The following MGMT variants were observed in gnomAD, a reference collection of about 807,000 sequenced individuals.
MGMT encodes methylated-DNA--protein-cysteine methyltransferase.
A neutral mutation model predicts 15.9 loss-of-function variants in MGMT; 14 were observed. That is an observed-to-expected ratio of 0.88 (90% CI 0.58 to 1.37). The LOEUF is 1.37. Ranked by LOEUF, MGMT falls within the 40% of genes most tolerant of loss-of-function variation. The probability of loss-of-function intolerance (pLI) is 0.00; values close to 1 mark genes in which losing one functional copy is unlikely to be tolerated. For missense variants in MGMT, 282 were observed against 268.1 expected, an observed-to-expected ratio of 1.05 and a Z score of -0.36; for synonymous variants, 130 against 118.2, an observed-to-expected ratio of 1.10 and a Z score of -0.65.
chr10:129,766,289 G>C (rs1227478107), intron 4 of MGMT, among the ~76,000 whole-genome samples: 1 of 152,224 alleles, frequency 6.6e-6, no homozygotes, highest in Non-Finnish European at 1.5e-5. Flanking sequence ...GCAAAAGCAG[G>C]TGGTGGGCTG....
rs564155734 is a variant in MGMT at position 129,692,902 on chromosome 10, C to T, written c.126-14993C>T. Among the ~76,000 whole-genome samples, 9 of 152,354 alleles carry T rather than the reference C, an allele frequency of 5.9e-5. No individual in the cohort carries two copies. The East Asian group carries it at 9.6e-4, about 16-fold the overall frequency. ...CCCAGACCTCGCGGTTGCTCTCATCCGTCGTTCCCAGTGTGGGCAGTGACG... is the reference window on the plus strand; with the variant it reads ...CCCAGACCTCGCGGTTGCTCTCATCTGTCGTTCCCAGTGTGGGCAGTGACG... On this transcript the variant is annotated intron_variant, in intron 2 of 4. Transcript: ENST00000651593.
intron 2 of MGMT, among the ~76,000 whole-genome samples, chr10:129,593,702 C>T (rs543976024): frequency 3.9e-5 from 6 of 152,260 alleles, no homozygotes; most frequent in Admixed American, 2.6e-4. Flanking sequence ...AAGCAGCTTT[C>T]GGGCATGTGT....
At chr10:129,629,477 T>A (rs1045663695) in intron 2 of MGMT, among the ~76,000 whole-genome samples, 3 of 152,202 alleles carry the variant, frequency 2.0e-5, no homozygotes, top group Admixed American at 1.3e-4. Flanking sequence ...ATTTGAATTT[T>A]CCCTCAAGCT....
chr10:129,508,789 C>T lies in MGMT; in HGVS notation c.-12-27452C>T, dbSNP rs549849646. On this transcript the variant is annotated intron_variant, in intron 1 of 4. Coordinates refer to ENST00000651593, the MANE Select transcript of MGMT (RefSeq NM_002412.5). ...CTTGAGCTCCTGATCGCAGGTGATC[C>T]ACCCGTCTCGGCCTCCCAAAGTGCT... is the stretch of plus-strand genomic sequence containing the variant. 1.1e-3 allele frequency among the ~76,000 whole-genome samples: 162 copies of T among 152,104 alleles called. 1 individual carries two copies. Among genetic ancestry groups the T allele is most frequent in the African/African-American group, 3.8e-3 (157 of 41,496 alleles).
intron 1 of MGMT, among the ~76,000 whole-genome samples, chr10:129,522,536 A>G (rs781357045): frequency 6.6e-5 from 10 of 152,236 alleles, no homozygotes; most frequent in Admixed American, 2.6e-4. Flanking sequence ...GGAGACACAC[A>G]TTATGGTGAA....
In MGMT at chr10:129,587,782, G is replaced by A. The variant is rs867595622; in HGVS notation, c.125+51405G>A. ...TTGACATGTGAAATACAGTTATAAC[G>A]ACTATGTTAATATCCTTGTCTGTTA... is the stretch of plus-strand genomic sequence containing the variant. On this transcript the variant is annotated intron_variant, in intron 2 of 4. Coordinates refer to ENST00000651593, the MANE Select transcript of MGMT (RefSeq NM_002412.5). Among the ~76,000 whole-genome samples the A allele has an allele frequency of 8.5e-5, 13 of 152,048 alleles. 1 individual carries two copies. The highest frequency in any genetic ancestry group is 3.9e-4 in the East Asian group (2 of 5,162).
chr10:129,762,188 G>C (rs3829194), intron 4 of MGMT, among the ~76,000 whole-genome samples: 1 of 152,100 alleles, frequency 6.6e-6, no homozygotes, highest in African/African-American at 2.4e-5. Context: ...ACGGTGCGTC[G>C]CTGAGACTCG....
chr10:129,613,506 C>G (rs368252866), intron 2 of MGMT, among the ~76,000 whole-genome samples: 2 of 152,150 alleles, frequency 1.3e-5, no homozygotes, highest in Admixed American at 6.5e-5. Context: ...CCTAGTCTGT[C>G]GGGAGGTCTC....
intron 1 of MGMT, among the ~76,000 whole-genome samples, chr10:129,514,692 C>T (rs1845719253): frequency 6.6e-6 from 1 of 152,102 alleles, no homozygotes; most frequent in Non-Finnish European, 1.5e-5. Context: ...AAAGAGACTC[C>T]AAAGAGGTAG....
intron 2 of MGMT, among the ~76,000 whole-genome samples, chr10:129,641,068 T>G (rs7909391): frequency 0.048 from 7,317 of 152,270 alleles, 216 homozygotes; most frequent in Middle Eastern, 0.088. Flanking sequence ...TTTGGAAAAG[T>G]AAGAAATAAA....
intron 2 of MGMT, among the ~76,000 whole-genome samples, chr10:129,601,293 C>T (rs1846818647): frequency 6.6e-6 from 1 of 152,196 alleles, no homozygotes; most frequent in African/African-American, 2.4e-5. Context: ...TACTGTTTCT[C>T]TTCCAGGGCT....
chr10:129,737,928 C>T lies in MGMT; in HGVS notation c.275-21274C>T, dbSNP rs376257750. Among the ~76,000 whole-genome samples, 494 of 152,316 alleles carry T rather than the reference C, an allele frequency of 3.2e-3. 2 individuals carry two copies. Among genetic ancestry groups the T allele is most frequent in the African/African-American group, 0.011 (437 of 41,572 alleles). On this transcript the variant is annotated intron_variant, in intron 3 of 4. Transcript: ENST00000651593. ...CTGCCCGTTCTCAGATCTGTAGCTG[C>T]GTGCTGGGAGAACCACTGCTCTCTT...
chr10:129,491,739 C>T (rs1329617361), intron 1 of MGMT, among the ~76,000 whole-genome samples: 1 of 152,072 alleles, frequency 6.6e-6, no homozygotes, highest in Admixed American at 6.5e-5. Context: ...TCCAATGAAT[C>T]CTGAATTACA....
At chr10:129,645,887 G>A (rs533046708) in intron 2 of MGMT, among the ~76,000 whole-genome samples, 96 of 152,300 alleles carry the variant, frequency 6.3e-4, no homozygotes, top group African/African-American at 2.2e-3. Context: ...TCTGCTCATG[G>A]GGAAGTGTCC....
chr10:129,592,747 G>A (rs1038988413), intron 2 of MGMT, among the ~76,000 whole-genome samples: 2 of 151,946 alleles, frequency 1.3e-5, no homozygotes, highest in African/African-American at 4.8e-5. Flanking sequence ...CTTCTGTTAA[G>A]CCAGCTGTGG....
chr10:129,721,837 T>A (rs201488544), intron 3 of MGMT, among the ~76,000 whole-genome samples: 1 of 31,234 alleles, frequency 3.2e-5, no homozygotes, highest in Non-Finnish European at 7.0e-5. Flanking sequence ...ATTAGAATGC[T>A]AAAATGTAAA....
At chr10:129,604,743 T>TCCCC (rs930185905) in intron 2 of MGMT, among the ~76,000 whole-genome samples, 1 of 100,240 alleles carries the variant, frequency 1.0e-5, no homozygotes, top group Non-Finnish European at 2.0e-5. Context: ...CCCCACCCCC[T>TCCCC]CCCCCCGGCT....
chr10:129,743,506 T>C (rs555838642), intron 3 of MGMT, among the ~76,000 whole-genome samples: 36 of 152,230 alleles, frequency 2.4e-4, no homozygotes, highest in African/African-American at 8.7e-4. Context: ...CTGACAGAGG[T>C]GTCTGTGTTT....
chr10:129,567,008 C>T (rs1035249231), intron 2 of MGMT, among the ~76,000 whole-genome samples: 10 of 152,094 alleles, frequency 6.6e-5, no homozygotes, highest in South Asian at 2.1e-4. Flanking sequence ...GTCACGTCAC[C>T]GGAGTGTGCG....
Sources: gnomAD v4.1 joint callset for allele counts (sites outside exome capture counted in the v4.1 genomes callset) on GRCh38, gnomAD v4.1.1 for gene constraint, MANE v1.5 for transcripts, NCBI Gene and HGNC (gene_info 2026-07-23, HGNC 2026-07-21) for gene names.